Variants in LCORL observed in about 807,000 individuals in gnomAD.
LCORL encodes ligand dependent nuclear receptor corepressor like.
LCORL carries 41 observed loss-of-function variants against 141.8 expected under a neutral mutation model. That is an observed-to-expected ratio of 0.29 (90% CI 0.23 to 0.38). LCORL has a LOEUF of 0.38. Among genes scored for constraint, LCORL ranks in the 10% least tolerant of loss-of-function variants. The probability of loss-of-function intolerance (pLI) is 1.00; values close to 1 mark genes in which losing one functional copy is unlikely to be tolerated. For synonymous variants in LCORL, 618 were observed against 694.1 expected (o/e 0.89, Z 1.72); for missense variants, 1,759 against 2,035.0 (o/e 0.86, Z 2.61).
chr4:17,923,308 G>C (rs1193624951), intron 4 of LCORL, among the ~76,000 whole-genome samples: 1 of 152,138 alleles, frequency 6.6e-6, no homozygotes, highest in Non-Finnish European at 1.5e-5. Flanking sequence ...AGTTAAAAAA[G>C]GTTCTAATAG....
chr4:17,954,182 C>G (rs1022065772), intron 4 of LCORL, among the ~76,000 whole-genome samples: 2 of 151,590 alleles, frequency 1.3e-5, no homozygotes, highest in African/African-American at 4.8e-5. Context: ...CAAACAAAAA[C>G]AAACAAATAA....
chr4:17,996,992 T>C (rs1390483706), intron 1 of LCORL, among the ~76,000 whole-genome samples: 1 of 152,172 alleles, frequency 6.6e-6, no homozygotes, highest in Non-Finnish European at 1.5e-5. Flanking sequence ...GTAAATTATA[T>C]GCACTTATAA....
At chr4:17,848,996 C>T (rs1224413388) in intron 7 of LCORL, among the ~76,000 whole-genome samples, 2 of 152,246 alleles carry the variant, frequency 1.3e-5, no homozygotes, top group African/African-American at 2.4e-5. Context: ...CCACCATTGC[C>T]CAGGCTTGCT....
intron 1 of LCORL, among the ~76,000 whole-genome samples, chr4:17,987,725 C>G (rs1165905469): frequency 1.3e-5 from 2 of 152,128 alleles, no homozygotes; most frequent in Non-Finnish European, 2.9e-5. Context: ...GTCTCATTTC[C>G]CTAGTGACTA....
intron 5 of LCORL, among the ~76,000 whole-genome samples, chr4:17,900,378 T>C (rs1175135026): frequency 6.6e-6 from 1 of 152,208 alleles, no homozygotes; most frequent in Non-Finnish European, 1.5e-5. Flanking sequence ...TGAGTTTTGA[T>C]ATTGTGTATT....
intron 6 of LCORL, chr4:17,881,547 C>T: frequency 1.4e-5 from 13 of 923,894 alleles, no homozygotes; most frequent in Non-Finnish European, 1.4e-5. Context: ...TATAATATTA[C>T]CTATAAAACT....
intron 4 of LCORL, among the ~76,000 whole-genome samples, chr4:17,940,245 C>T (rs1280518538): frequency 1.4e-5 from 2 of 142,536 alleles, no homozygotes; most frequent in Non-Finnish European, 3.0e-5. Flanking sequence ...GGACACTGTC[C>T]TTAAGGTATG....
rs549455433 is a variant in LCORL, at chr4:17,859,974, G to A, written c.5602+13414C>T. Among the ~76,000 whole-genome samples, 10 of 152,276 alleles carry A rather than the reference G, an allele frequency of 6.6e-5. No individual in the cohort carries two copies. In the South Asian group the frequency reaches 2.1e-3, roughly 32 times the overall value. On this transcript the variant is annotated intron_variant, in intron 7 of 7. Coordinates refer to ENST00000635767, the Ensembl canonical transcript of LCORL. ...TACAAAACACTGTTCAAAGACATCA[G>A]AGATGACACAAACAAATGGGAAAAC...
intron 3 of LCORL, among the ~76,000 whole-genome samples, chr4:17,962,706 T>A (rs920275704): frequency 2.0e-5 from 3 of 151,786 alleles, no homozygotes; most frequent in Non-Finnish European, 4.4e-5. Context: ...GAACTAAACT[T>A]AATGAGTCAG....
intron 4 of LCORL, among the ~76,000 whole-genome samples, chr4:17,919,502 C>T (rs1733965982): frequency 6.6e-6 from 1 of 152,090 alleles, no homozygotes; most frequent in African/African-American, 2.4e-5. Context: ...TTCCAGATGA[C>T]TGGAAAAAAG....
intron 7 of LCORL, among the ~76,000 whole-genome samples, chr4:17,860,949 C>A (rs1724935222): frequency 1.3e-5 from 2 of 152,332 alleles, no homozygotes; most frequent in South Asian, 4.1e-4. Flanking sequence ...TGGTCTTGGG[C>A]AGCTCCACCC....
intron 1 of LCORL, among the ~76,000 whole-genome samples, chr4:18,001,246 G>A (rs1721910997): frequency 6.6e-6 from 1 of 152,150 alleles, no homozygotes; most frequent in African/African-American, 2.4e-5. Context: ...TTATTGTGAG[G>A]ATTAAAGGAT....
intron 5 of LCORL, among the ~76,000 whole-genome samples, chr4:17,897,685 G>T (rs554432646): frequency 6.6e-6 from 1 of 151,968 alleles, no homozygotes; most frequent in African/African-American, 2.4e-5. Context: ...TCATTCCACC[G>T]AAATTGTTCT....
chr4:18,015,492 A>T (rs1027150557), intron 1 of LCORL, among the ~76,000 whole-genome samples: 5 of 152,210 alleles, frequency 3.3e-5, no homozygotes, highest in Admixed American at 2.6e-4. Flanking sequence ...GACTTGATAC[A>T]TGTCTTAACC....
intron 4 of LCORL, among the ~76,000 whole-genome samples, chr4:17,928,349 C>T (rs774079549): frequency 6.6e-6 from 1 of 152,128 alleles, no homozygotes; most frequent in Non-Finnish European, 1.5e-5. Flanking sequence ...GCAGGCAAGG[C>T]TGCAATGAAC....
At chr4:17,894,701 C>T (rs1299761282) in intron 5 of LCORL, among the ~76,000 whole-genome samples, 1 of 152,134 alleles carries the variant, frequency 6.6e-6, no homozygotes, top group Non-Finnish European at 1.5e-5. Flanking sequence ...CTTTACTATA[C>T]ACACTTGTGA....
intron 1 of LCORL, among the ~76,000 whole-genome samples, chr4:17,991,417 A>G (rs12498339): frequency 0.039 from 6,015 of 152,292 alleles, 195 homozygotes; most frequent in African/African-American, 0.086. Flanking sequence ...AAAGTATCTA[A>G]GCTATATCAA....
At chr4:17,920,945 T>A (rs1293091391) in intron 4 of LCORL, among the ~76,000 whole-genome samples, 1 of 152,222 alleles carries the variant, frequency 6.6e-6, no homozygotes, top group African/African-American at 2.4e-5. Flanking sequence ...AGGGTTGGAA[T>A]CAACTTTTTC....
In LCORL at chr4:18,021,704, G is replaced by A. The variant is rs1374074246; in HGVS notation, c.48C>T (p.Ala16=). Residue 16 remains alanine (A), a synonymous_variant, in exon 1 of 8, where the codon GCC becomes GCT. Transcript: ENST00000635767. This position sits in a 1 kb window ranked among gnomAD's most constrained non-coding sequence, Gnocchi z 5.5. ...GGCACTGAGCGGCGGCGGCGGCGGCGGCAGCAGCGGCGGCGGCAGCGGCCA... is the reference window on the plus strand; with the variant it reads ...GGCACTGAGCGGCGGCGGCGGCGGCAGCAGCAGCGGCGGCGGCAGCGGCCA... 6.6e-6 allele frequency: 10 copies of A among 1,525,098 alleles called. No homozygotes were observed. The highest frequency in any genetic ancestry group is 4.3e-5 in the Admixed American group (2 of 46,270). The allele number at this position is 1,525,098 out of a possible 1,614,324, so 94.5% of individuals were successfully genotyped here. A position where few individuals can be genotyped will look rare whatever the true frequency, so the allele number is the denominator to read the frequency against.
Sources: allele counts gnomAD v4.1 joint callset (sites outside exome capture counted in the v4.1 genomes callset), GRCh38; gene constraint gnomAD v4.1.1; non-coding constraint Gnocchi (gnomAD v3.1); transcripts MANE v1.5; gene names NCBI Gene and HGNC (gene_info 2026-07-23, HGNC 2026-07-21).